Variants in DOCK3 observed in about 807,000 individuals in gnomAD.
The protein encoded by DOCK3 is dedicator of cytokinesis 3.
DOCK3 carries 60 observed loss-of-function variants against 265.6 expected under a neutral mutation model. The ratio of observed to expected loss-of-function variants is 0.23; its 90% CI spans 0.18 to 0.28. DOCK3 has a LOEUF of 0.28. Ranked by LOEUF, DOCK3 falls within the 10% of genes least tolerant of loss-of-function variation. DOCK3 has a pLI of 1.00. For missense variants in DOCK3, 1,981 were observed against 2,594.3 expected, an observed-to-expected ratio of 0.76 and a Z score of 5.14; for synonymous variants, 881 against 938.0, an observed-to-expected ratio of 0.94 and a Z score of 1.11.
intron 3 of DOCK3, among the ~76,000 whole-genome samples, chr3:50,881,588 A>G (rs560119942): frequency 2.6e-5 from 4 of 152,310 alleles, no homozygotes; most frequent in South Asian, 2.1e-4. Context: ...AAGGATAACT[A>G]CAAACCACTG....
intron 32 of DOCK3, among the ~76,000 whole-genome samples, chr3:51,322,888 G>A (rs1458813816): frequency 3.3e-5 from 5 of 151,606 alleles, no homozygotes; most frequent in Non-Finnish European, 7.4e-5. Flanking sequence ...ACCCATCGGT[G>A]TGCTGTATTC....
intron 1 of DOCK3, among the ~76,000 whole-genome samples, chr3:50,714,161 C>G (rs1040398927): frequency 3.3e-5 from 5 of 152,040 alleles, no homozygotes; most frequent in Non-Finnish European, 4.4e-5. Context: ...TGGGCAGAAT[C>G]TTCCTGCTTT....
At chr3:50,952,280 T>C (rs998095256) in intron 5 of DOCK3, among the ~76,000 whole-genome samples, 20 of 152,170 alleles carry the variant, frequency 1.3e-4, no homozygotes, top group Non-Finnish European at 2.5e-4. Flanking sequence ...AAGTGATTGT[T>C]TCAGGTGTCA....
At chr3:51,104,002 A>G (rs1231569722) in intron 9 of DOCK3, among the ~76,000 whole-genome samples, 2 of 152,246 alleles carry the variant, frequency 1.3e-5, no homozygotes, top group Non-Finnish European at 2.9e-5. Flanking sequence ...TATTATATGT[A>G]TTAGAAAAAT....
intron 1 of DOCK3, among the ~76,000 whole-genome samples, chr3:50,770,801 A>C (rs1469322348): frequency 6.6e-6 from 1 of 152,238 alleles, no homozygotes; most frequent in African/African-American, 2.4e-5. Flanking sequence ...GGTTAGAGTT[A>C]AGGTTAACAC....
At chr3:50,878,599 A>G (rs2047847962) in intron 3 of DOCK3, among the ~76,000 whole-genome samples, 1 of 152,174 alleles carries the variant, frequency 6.6e-6, no homozygotes, top group African/African-American at 2.4e-5. Flanking sequence ...AGAGAAACGA[A>G]CAAAGCCTCC....
intron 3 of DOCK3, chr3:50,876,830 T>C (rs1327739808): frequency 1.3e-5 from 2 of 152,922 alleles, no homozygotes; most frequent in Non-Finnish European, 2.9e-5. Context: ...GTTTCCTGCA[T>C]GGCTGCAAGA....
chr3:50,950,992 A>G (rs568035923), intron 5 of DOCK3, among the ~76,000 whole-genome samples: 1 of 152,254 alleles, frequency 6.6e-6, no homozygotes, highest in East Asian at 1.9e-4. Context: ...ATATTCCTAC[A>G]TCTTAGAATA....
rs184824096 is a variant in DOCK3, at chr3:51,174,613, T to G, written c.1037+13911T>G. Among the ~76,000 whole-genome samples, 8 of 152,274 alleles carry G rather than the reference T, an allele frequency of 5.3e-5. No homozygotes were observed. In the East Asian group the frequency reaches 1.2e-3, roughly 22 times the overall value. On this transcript the variant is annotated intron_variant, in intron 12 of 52. Coordinates refer to ENST00000266037, the MANE Select transcript of DOCK3 (RefSeq NM_004947.5). ...TTATTTTGAACTCTTCATTAAGAAATTCATAGATCTCCACTTCTTTAGGGT... is the reference window on the plus strand; with the variant it reads ...TTATTTTGAACTCTTCATTAAGAAAGTCATAGATCTCCACTTCTTTAGGGT...
intron 1 of DOCK3, among the ~76,000 whole-genome samples, chr3:50,676,502 A>C (rs1175116735): frequency 1.3e-5 from 2 of 152,216 alleles, no homozygotes; most frequent in Non-Finnish European, 2.9e-5. Flanking sequence ...AAGAGCTGGG[A>C]TTCACCTCTA....
At chr3:50,994,635 A>G (rs1488422019) in intron 5 of DOCK3, among the ~76,000 whole-genome samples, 1 of 152,244 alleles carries the variant, frequency 6.6e-6, no homozygotes, top group Non-Finnish European at 1.5e-5. Context: ...ATTTCTGGAT[A>G]TTCAGGTGAA....
chr3:51,360,379 T>A (rs1452961122), intron 46 of DOCK3, 132 bp from the exon 47 acceptor site: 1 of 1,221,704 alleles, frequency 8.2e-7, no homozygotes, highest in East Asian at 2.6e-5. Flanking sequence ...AGTCAGCAGT[T>A]CAGGTTCAGC....
chr3:50,893,886 C>T (rs4440121), intron 4 of DOCK3, among the ~76,000 whole-genome samples: 8,568 of 149,308 alleles, frequency 0.057, 865 homozygotes, highest in African/African-American at 0.2. Context: ...AAAAACCAAA[C>T]ACCGTGTGTT....
intron 22 of DOCK3, among the ~76,000 whole-genome samples, chr3:51,252,128 C>A (rs2079281435): frequency 6.6e-6 from 1 of 152,144 alleles, no homozygotes; most frequent in African/African-American, 2.4e-5. Context: ...AATCCTTTCC[C>A]CATTTCTTGT....
chr3:50,782,988 T>C (rs1043673522), intron 2 of DOCK3, among the ~76,000 whole-genome samples: 1 of 149,302 alleles, frequency 6.7e-6, no homozygotes, highest in Non-Finnish European at 1.5e-5. Context: ...TTTTGGCTCA[T>C]GGCTGAGTAG....
rs560636225 is a variant in DOCK3 at position 51,052,526 on chromosome 3, G to A, written c.316-11922G>A. 2.0e-5 allele frequency among the ~76,000 whole-genome samples: 3 copies of A among 152,304 alleles called. No homozygotes were observed. The East Asian group carries it at 5.8e-4, about 29-fold the overall frequency. ...AAAATGAATGAATGAATGGACTAGA[G>A]TAGACTAGAGGTAGGAGTTAACGCA... On this transcript the variant is annotated intron_variant, in intron 5 of 52. Coordinates refer to ENST00000266037, the MANE Select transcript of DOCK3 (RefSeq NM_004947.5).
chr3:50,995,966 G>A lies in DOCK3; in HGVS notation c.315+61889G>A, dbSNP rs527411051. Among the ~76,000 whole-genome samples the A allele has an allele frequency of 2.6e-5, 4 of 152,008 alleles. No individual in the cohort carries two copies. The South Asian group carries it at 6.2e-4, about 24-fold the overall frequency. ...GGCTGGGGTGCAGTGGTGCGATCTC[G>A]GCTCACTGCAGCCTCCACCTCCCCA... On this transcript the variant is annotated intron_variant, in intron 5 of 52. Coordinates refer to ENST00000266037, the MANE Select transcript of DOCK3 (RefSeq NM_004947.5).
In DOCK3 at chr3:50,790,320, G is replaced by A. The variant is rs149610301; in HGVS notation, c.121+11562G>A. ...ATACATTCAGTGTTAGTATTGAGACGTGAGGTACTATTCTGTTCATCATTG... is the reference window on the plus strand; with the variant it reads ...ATACATTCAGTGTTAGTATTGAGACATGAGGTACTATTCTGTTCATCATTG... On this transcript the variant is annotated intron_variant, in intron 2 of 52. Coordinates refer to ENST00000266037, the MANE Select transcript of DOCK3 (RefSeq NM_004947.5). 4.2e-3 allele frequency among the ~76,000 whole-genome samples: 643 copies of A among 152,208 alleles called. 1 individual carries two copies. Among genetic ancestry groups the A allele is most frequent in the Non-Finnish European group, 6.5e-3 (445 of 67,998 alleles).
At chr3:51,050,926 G>A (rs535786962) in intron 5 of DOCK3, among the ~76,000 whole-genome samples, 7 of 152,164 alleles carry the variant, frequency 4.6e-5, no homozygotes, top group Non-Finnish European at 4.4e-5. Flanking sequence ...ATATTTTAAT[G>A]AAAATTAAAA....
Sources: gnomAD v4.1 joint callset for allele counts (sites outside exome capture counted in the v4.1 genomes callset) on GRCh38, gnomAD v4.1.1 for gene constraint, MANE v1.5 for transcripts, NCBI Gene and HGNC (gene_info 2026-07-23, HGNC 2026-07-21) for gene names.